TMEM266: variants seen among roughly 807,000 people sequenced by gnomAD.
TMEM266 encodes the protein transmembrane protein 266.
Under a neutral mutation model 50.5 loss-of-function variants are expected in TMEM266, and 33 were observed. The ratio of observed to expected loss-of-function variants is 0.65; its 90% CI spans 0.50 to 0.87. TMEM266 has a LOEUF of 0.87. Ranked by LOEUF, TMEM266 falls within the 40% of genes least tolerant of loss-of-function variation. The pLI is 0.00. For synonymous variants in TMEM266, 310 were observed against 292.3 expected (o/e 1.06, Z -0.62); for missense variants, 655 against 695.1 (o/e 0.94, Z 0.65).
At chr15:76,093,586 G>T (rs929443203) in intron 1 of TMEM266, among the ~76,000 whole-genome samples, 3 of 152,042 alleles carry the variant, frequency 2.0e-5, no homozygotes, top group African/African-American at 7.2e-5. Context: ...GTGTGCATGT[G>T]TCTTTATAGT....
intron 2 of TMEM266, among the ~76,000 whole-genome samples, chr15:76,137,105 G>T (rs1433913863): frequency 6.6e-6 from 1 of 152,092 alleles, no homozygotes; most frequent in Non-Finnish European, 1.5e-5. Flanking sequence ...GAGACATATG[G>T]TAGCACCAGT....
chr15:76,086,653 G>T (rs547323041), intron 1 of TMEM266, among the ~76,000 whole-genome samples: 30 of 152,312 alleles, frequency 2.0e-4, no homozygotes, highest in African/African-American at 7.2e-4. Flanking sequence ...GTTACTTGCT[G>T]TAAACCCTAT....
At chr15:76,125,457 T>C (rs560919949) in intron 1 of TMEM266, among the ~76,000 whole-genome samples, 37 of 151,858 alleles carry the variant, frequency 2.4e-4, no homozygotes, top group Non-Finnish European at 4.9e-4. Flanking sequence ...ATATATAATA[T>C]ATAAGGAACC....
intron 3 of TMEM266, among the ~76,000 whole-genome samples, chr15:76,138,779 A>G (rs967700422): frequency 1.3e-5 from 2 of 152,260 alleles, no homozygotes; most frequent in African/African-American, 4.8e-5. Context: ...TAGCTTGTCA[A>G]TCAGCTTGGA....
intron 1 of TMEM266, among the ~76,000 whole-genome samples, chr15:76,114,663 G>C (rs1356765466): frequency 6.6e-6 from 1 of 152,052 alleles, no homozygotes; most frequent in Non-Finnish European, 1.5e-5. Context: ...AATATATCTA[G>C]ATTTTTTATA....
intron 2 of TMEM266, among the ~76,000 whole-genome samples, chr15:76,136,893 C>T (rs572745219): frequency 6.6e-6 from 1 of 152,186 alleles, no homozygotes; most frequent in African/African-American, 2.4e-5. Context: ...TGGTGGCAAC[C>T]AAAAATGCCT....
intron 1 of TMEM266, among the ~76,000 whole-genome samples, chr15:76,078,139 G>T (rs1421740356): frequency 6.6e-6 from 1 of 152,076 alleles, no homozygotes; most frequent in African/African-American, 2.4e-5. Context: ...CGCCGACTCT[G>T]TCAGGCCTGA....
chr15:76,111,168 C>A (rs935724580), intron 1 of TMEM266, among the ~76,000 whole-genome samples: 1 of 151,586 alleles, frequency 6.6e-6, no homozygotes. Flanking sequence ...GCAACCTTTG[C>A]CTCCTGGGTT....
chr15:76,072,705 T>C (rs983661857), intron 1 of TMEM266, among the ~76,000 whole-genome samples: 4 of 152,064 alleles, frequency 2.6e-5, no homozygotes, highest in Non-Finnish European at 5.9e-5. Flanking sequence ...TGGCATGATC[T>C]CGGCTTACTG....
At chr15:76,098,560 G>A (rs2036954448) in intron 1 of TMEM266, among the ~76,000 whole-genome samples, 1 of 152,108 alleles carries the variant, frequency 6.6e-6, no homozygotes, top group South Asian at 2.1e-4. Flanking sequence ...ACGGGGATCA[G>A]GGACCCACTT....
intron 1 of TMEM266, among the ~76,000 whole-genome samples, chr15:76,081,181 A>G (rs1037552512): frequency 2.6e-5 from 4 of 152,202 alleles, no homozygotes; most frequent in Non-Finnish European, 4.4e-5. Context: ...ACCGAGTTCA[A>G]AAGGTCACAA....
Position 76,162,977 on chromosome 15 carries a change from A to G in TMEM266, c.456+2809A>G, listed in dbSNP as rs189105710. 2.5e-3 allele frequency among the ~76,000 whole-genome samples: 381 copies of G among 152,286 alleles called. 2 individuals are homozygous for G. The highest frequency in any genetic ancestry group is 8.4e-3 in the African/African-American group (348 of 41,556). ...CAGGAAATTCCAAGAAGGTCACCCC[A>G]CCGGGGCTCCTGCTGTCCTGGAGCC... On this transcript the variant is annotated intron_variant, in intron 5 of 10. Coordinates refer to ENST00000388942, the MANE Select transcript of TMEM266 (RefSeq NM_152335.3).
chr15:76,201,594 CCTTT>C (rs1422128908), intron 9 of TMEM266, among the ~76,000 whole-genome samples: 3 of 152,156 alleles, frequency 2.0e-5, no homozygotes, highest in Admixed American at 6.5e-5. Context: ...TTTTCACCTC[CCTTT>C]CTGTTATTTG....
At chr15:76,146,558 A>G (rs953998493) in intron 3 of TMEM266, among the ~76,000 whole-genome samples, 1 of 152,220 alleles carries the variant, frequency 6.6e-6, no homozygotes, top group African/African-American at 2.4e-5. Context: ...TTCAGAGGAA[A>G]AAAACATAAT....
chr15:76,138,980 C>A (rs2037634235), intron 3 of TMEM266, among the ~76,000 whole-genome samples: 1 of 152,228 alleles, frequency 6.6e-6, no homozygotes, highest in Admixed American at 6.5e-5. Flanking sequence ...TAGGGTCACA[C>A]AGCAGATCAG....
rs75568467 is a variant in TMEM266, at chr15:76,192,464, G to T, written c.958+307G>T. On this transcript the variant is annotated intron_variant, in intron 9 of 10. Transcript: ENST00000388942. Reference sequence around the variant, plus strand: ...GTCCTCGCGGTAGCCGGAGGAGGAGGTGTGACTTTTCTGTTGTATGGCTGA... The same window carrying T: ...GTCCTCGCGGTAGCCGGAGGAGGAGTTGTGACTTTTCTGTTGTATGGCTGA... Among the ~76,000 whole-genome samples, 973 of 152,316 alleles carry T rather than the reference G, an allele frequency of 6.4e-3. 16 individuals are homozygous for T. Among genetic ancestry groups the T allele is most frequent in the South Asian group, 0.038 (185 of 4,816 alleles).
intron 1 of TMEM266, among the ~76,000 whole-genome samples, chr15:76,121,272 A>G (rs765154401): frequency 2.6e-5 from 4 of 151,960 alleles, no homozygotes; most frequent in African/African-American, 4.9e-5. Flanking sequence ...ATATACCAAT[A>G]TATGTGATGT....
intron 1 of TMEM266, among the ~76,000 whole-genome samples, chr15:76,079,967 C>A (rs1487504690): frequency 1.3e-5 from 2 of 151,974 alleles, no homozygotes; most frequent in East Asian, 3.9e-4. Flanking sequence ...ACTAAATAGA[C>A]CTCAATTTGT....
At chr15:76,152,112 G>A (rs1477815954) in intron 3 of TMEM266, among the ~76,000 whole-genome samples, 2 of 152,110 alleles carry the variant, frequency 1.3e-5, no homozygotes, top group African/African-American at 4.8e-5. Flanking sequence ...AGGCAGCCAG[G>A]CCTCACCAGC....
Sources: gnomAD v4.1 joint callset for allele counts (sites outside exome capture counted in the v4.1 genomes callset) on GRCh38, gnomAD v4.1.1 for gene constraint, MANE v1.5 for transcripts, NCBI Gene and HGNC (gene_info 2026-07-23, HGNC 2026-07-21) for gene names.